The following GRID1 variants were observed in gnomAD, a reference collection of about 807,000 sequenced individuals.
The protein encoded by GRID1 is glutamate receptor ionotropic, delta-1.
Under a neutral mutation model 98.0 loss-of-function variants are expected in GRID1, and 28 were observed. The observed-to-expected ratio is 0.29, with a 90% CI of 0.21 to 0.39. GRID1 has a LOEUF of 0.39. Ranked by LOEUF, GRID1 falls within the 10% of genes least tolerant of loss-of-function variation. The pLI, the probability that GRID1 is intolerant of heterozygous loss-of-function variation, is 1.00. For missense variants in GRID1, 1,111 were observed against 1,340.5 expected, an observed-to-expected ratio of 0.83 and a Z score of 2.67; for synonymous variants, 553 against 538.5, an observed-to-expected ratio of 1.03 and a Z score of -0.37.
At chr10:86,279,674 G>A (rs1847328327) in intron 2 of GRID1, among the ~76,000 whole-genome samples, 1 of 152,234 alleles carries the variant, frequency 6.6e-6, no homozygotes, top group East Asian at 1.9e-4. Context: ...TGAATAGGAT[G>A]GTTTCCTCCT....
At chr10:86,222,943 T>A (rs1041139463) in intron 2 of GRID1, among the ~76,000 whole-genome samples, 1 of 151,348 alleles carries the variant, frequency 6.6e-6, no homozygotes, top group African/African-American at 2.4e-5. Context: ...CGAGACTGCA[T>A]CCCCCCCTCC....
chr10:86,249,252 A>G (rs1303078064), intron 2 of GRID1, among the ~76,000 whole-genome samples: 4 of 152,184 alleles, frequency 2.6e-5, no homozygotes, highest in African/African-American at 9.7e-5. Context: ...AGCAGGACCT[A>G]TGTCCTGGGG....
intron 4 of GRID1, among the ~76,000 whole-genome samples, chr10:86,035,535 C>T (rs1317158441): frequency 1.3e-5 from 2 of 152,184 alleles, no homozygotes; most frequent in African/African-American, 4.8e-5. Flanking sequence ...ACACAAGCAC[C>T]ATCCACTGTG....
chr10:86,021,113 C>T (rs1341834835), intron 4 of GRID1, among the ~76,000 whole-genome samples: 1 of 152,120 alleles, frequency 6.6e-6, no homozygotes, highest in Non-Finnish European at 1.5e-5. Context: ...CTCTACAATG[C>T]AAAGACCATC....
chr10:85,915,736 C>T (rs926721187), intron 5 of GRID1, among the ~76,000 whole-genome samples: 9 of 152,134 alleles, frequency 5.9e-5, no homozygotes, highest in Non-Finnish European at 8.8e-5. Context: ...TTCACACTCT[C>T]GCACGCATGT....
At chr10:85,790,920 G>A (rs551584495) in intron 8 of GRID1, among the ~76,000 whole-genome samples, 1 of 152,324 alleles carries the variant, frequency 6.6e-6, no homozygotes, top group East Asian at 1.9e-4. Context: ...GAGCAGAGTA[G>A]AGAAACTTGC....
At chr10:86,163,494 T>C (rs893607542) in intron 3 of GRID1, among the ~76,000 whole-genome samples, 2 of 151,792 alleles carry the variant, frequency 1.3e-5, no homozygotes, top group Admixed American at 1.3e-4. Context: ...ACATATGCCA[T>C]GTTGGGATGC....
Position 85,622,735 on chromosome 10 carries a change from C to T in GRID1, c.2194-2702G>A, listed in dbSNP as rs113688599. 1.4e-3 allele frequency among the ~76,000 whole-genome samples: 218 copies of T among 152,200 alleles called. 2 individuals are homozygous for T. The South Asian group carries it at 0.02, about 14-fold the overall frequency. On this transcript the variant is annotated intron_variant, in intron 13 of 15. Transcript: ENST00000327946. ...AGATCGAGGGGCTCACCTTTGGAGA[C>T]GGCAGAAAATCTAATGCCAGGGGAT...
chr10:86,054,808 T>C (rs1027725748), intron 4 of GRID1, among the ~76,000 whole-genome samples: 1 of 152,230 alleles, frequency 6.6e-6, no homozygotes, highest in Non-Finnish European at 1.5e-5. Context: ...GTATCCCTGC[T>C]CTTGGCCATG....
intron 5 of GRID1, among the ~76,000 whole-genome samples, chr10:85,888,168 A>G (rs1416887149): frequency 2.0e-5 from 3 of 152,222 alleles, no homozygotes; most frequent in Admixed American, 6.5e-5. Flanking sequence ...GTTTGTATAA[A>G]TGACGCAATA....
At chr10:85,718,824 G>A (rs1314330232) in intron 12 of GRID1, among the ~76,000 whole-genome samples, 1 of 152,200 alleles carries the variant, frequency 6.6e-6, no homozygotes, top group Non-Finnish European at 1.5e-5. Context: ...GGGATTAACA[G>A]TAGGCTCCTT....
At chr10:86,051,421 T>A (rs1476951593) in intron 4 of GRID1, among the ~76,000 whole-genome samples, 1 of 150,942 alleles carries the variant, frequency 6.6e-6, no homozygotes, top group Non-Finnish European at 1.5e-5. Context: ...TACTAGGGAA[T>A]GTTTTCCTAT....
chr10:85,616,697 C>G (rs115891790), intron 14 of GRID1, among the ~76,000 whole-genome samples: 6 of 152,130 alleles, frequency 3.9e-5, no homozygotes, highest in African/African-American at 1.4e-4. Context: ...AAACAAGTCA[C>G]GGGTACAAAA....
chr10:86,105,528 C>T (rs1226942274), intron 4 of GRID1, among the ~76,000 whole-genome samples: 1 of 152,210 alleles, frequency 6.6e-6, no homozygotes, highest in Non-Finnish European at 1.5e-5. Flanking sequence ...TTCTGAGGCA[C>T]ACATCTAGAT....
At chr10:86,066,109 G>A (rs948373406) in intron 4 of GRID1, among the ~76,000 whole-genome samples, 10 of 152,292 alleles carry the variant, frequency 6.6e-5, no homozygotes, top group Admixed American at 2.0e-4. Context: ...GGGGAAGAGC[G>A]GTATTAAGAT....
chr10:85,674,282 T>C (rs914272927), intron 12 of GRID1, among the ~76,000 whole-genome samples: 9 of 152,154 alleles, frequency 5.9e-5, no homozygotes, highest in Non-Finnish European at 1.2e-4. Flanking sequence ...AGCCTGCCTC[T>C]TTCTCCATTT....
chr10:85,967,261 A>G (rs1291047011), intron 4 of GRID1, among the ~76,000 whole-genome samples: 1 of 152,198 alleles, frequency 6.6e-6, no homozygotes, highest in Non-Finnish European at 1.5e-5. Flanking sequence ...GATACACACT[A>G]CAGGTAATAA....
intron 2 of GRID1, among the ~76,000 whole-genome samples, chr10:86,258,356 AC>A (rs1216169283): frequency 6.6e-6 from 1 of 152,252 alleles, no homozygotes; most frequent in Non-Finnish European, 1.5e-5. Context: ...TTGCCAAGAA[AC>A]CATACCAGTG....
intron 3 of GRID1, among the ~76,000 whole-genome samples, chr10:86,171,603 G>A (rs996341489): frequency 3.9e-5 from 6 of 152,190 alleles, no homozygotes; most frequent in Non-Finnish European, 5.9e-5. Flanking sequence ...AGGTAGGGTG[G>A]GGGCTGTGCA....
Sources: allele counts gnomAD v4.1 joint callset (sites outside exome capture counted in the v4.1 genomes callset), GRCh38; gene constraint gnomAD v4.1.1; transcripts MANE v1.5; gene names NCBI Gene and HGNC (gene_info 2026-07-23, HGNC 2026-07-21).